Variants in BCAS3 observed in about 807,000 individuals in gnomAD.
The protein encoded by BCAS3 is BCAS3 microtubule associated cell migration factor, also known as BCAS4/BCAS3 fusion.
BCAS3 carries 53 observed loss-of-function variants against 116.1 expected under a neutral mutation model. That is an observed-to-expected ratio of 0.46 (90% confidence interval 0.37 to 0.57). The LOEUF (loss-of-function observed/expected upper bound fraction) is 0.57, where lower values mean the gene tolerates loss of function less well. Among genes scored for constraint, BCAS3 ranks in the 20% least tolerant of loss-of-function variants. The pLI, the probability that BCAS3 is intolerant of heterozygous loss-of-function variation, is 0.00. For synonymous variants in BCAS3, 391 were observed against 408.2 expected (o/e 0.96, Z 0.51); for missense variants, 917 against 1,165.4 (o/e 0.79, Z 3.10).
intron 22 of BCAS3, among the ~76,000 whole-genome samples, chr17:61,290,937 C>T (rs1401516327): frequency 6.6e-6 from 1 of 152,094 alleles, no homozygotes; most frequent in African/African-American, 2.4e-5. Context: ...CCTGCCACCA[C>T]GCCCGGCTAA....
In BCAS3 at chr17:60,963,093, T is replaced by C. The variant is rs1156792448; in HGVS notation, c.1221+15741T>C. 2.6e-5 allele frequency among the ~76,000 whole-genome samples: 4 copies of C among 152,232 alleles called. No individual in the cohort carries two copies. In the East Asian group the frequency reaches 7.7e-4, roughly 29 times the overall value. On this transcript the variant is annotated intron_variant, in intron 14 of 23. Transcript: ENST00000407086. Reference sequence around the variant, plus strand: ...GTTTCTCTAGTACGTTCCGTTGGTCTGTGTATCTATTTTTATGCCGGCACC... The same window carrying C: ...GTTTCTCTAGTACGTTCCGTTGGTCCGTGTATCTATTTTTATGCCGGCACC...
intron 22 of BCAS3, among the ~76,000 whole-genome samples, chr17:61,290,146 G>A (rs557178514): frequency 1.3e-3 from 196 of 152,258 alleles, no homozygotes; most frequent in Non-Finnish European, 2.2e-3. Flanking sequence ...TGTTCCTTTG[G>A]AGGCCGAAAC....
rs1236963244 is a variant in BCAS3, at chr17:61,084,054, A to G, written c.2328-413A>G. Among the ~76,000 whole-genome samples, 1 of 152,182 alleles carries G rather than the reference A, an allele frequency of 6.6e-6. No homozygotes were observed. Among genetic ancestry groups the G allele is most frequent in the Non-Finnish European group, 1.5e-5 (1 of 68,030 alleles). Reference sequence around the variant, plus strand: ...ATTACACATTGCTGCCTTTTATGGAACACATTAATAGCTATGGTGATATTA... The same window carrying G: ...ATTACACATTGCTGCCTTTTATGGAGCACATTAATAGCTATGGTGATATTA... On this transcript the variant is annotated intron_variant, in intron 21 of 23. Transcript: ENST00000407086. This position sits in a 1 kb window ranked among gnomAD's most constrained non-coding sequence, Gnocchi z 5.5.
intron 20 of BCAS3, 50 bp downstream of exon 20, chr17:61,075,070 TA>T: frequency 7.0e-7 from 1 of 1,437,914 alleles, no homozygotes; most frequent in Non-Finnish European, 9.7e-7. Context: ...AACAGAAATT[TA>T]CTGTTTTTAT....
At chr17:61,052,284 T>A (rs2068929724) in intron 19 of BCAS3, among the ~76,000 whole-genome samples, 1 of 152,168 alleles carries the variant, frequency 6.6e-6, no homozygotes, top group Non-Finnish European at 1.5e-5. Flanking sequence ...ATTCTGTATC[T>A]GTAAGTATAT....
At chr17:61,039,289 A>G (rs2067311338) in intron 18 of BCAS3, among the ~76,000 whole-genome samples, 1 of 152,094 alleles carries the variant, frequency 6.6e-6, no homozygotes, top group East Asian at 1.9e-4. Flanking sequence ...ACTCCTTTTT[A>G]TGGCTACATA....
chr17:60,856,270 A>G (rs2053664834), intron 7 of BCAS3, among the ~76,000 whole-genome samples: 1 of 152,192 alleles, frequency 6.6e-6, no homozygotes, highest in Admixed American at 6.5e-5. Context: ...GGAGTAAGAA[A>G]TTTTGTGGAG....
intron 7 of BCAS3, among the ~76,000 whole-genome samples, chr17:60,853,819 A>G (rs2053402638): frequency 6.6e-6 from 1 of 152,036 alleles, no homozygotes; most frequent in Non-Finnish European, 1.5e-5. Flanking sequence ...TTTTTCATCC[A>G]TGTTGTAGCA....
In BCAS3 at chr17:61,083,064, T is replaced by C. The variant is rs566298242; in HGVS notation, c.2328-1403T>C. Among the ~76,000 whole-genome samples the C allele has an allele frequency of 6.6e-6, 1 of 152,348 alleles. No homozygotes were observed. The highest frequency in any genetic ancestry group is 1.9e-4 in the East Asian group (1 of 5,180). ...CCAAATCATGCACTTCAAGATGCCC[T>C]GAATCTATCGTATTCAGTCACTAAT... On this transcript the variant is annotated intron_variant, in intron 21 of 23. Transcript: ENST00000407086. This position sits in a 1 kb window ranked among gnomAD's most constrained non-coding sequence, Gnocchi z 4.9.
intron 23 of BCAS3, among the ~76,000 whole-genome samples, chr17:61,386,268 C>T (rs73991903): frequency 0.044 from 6,759 of 152,266 alleles, 440 homozygotes; most frequent in African/African-American, 0.15. Flanking sequence ...ACGCCTCCAC[C>T]AACATGGGCA....
intron 22 of BCAS3, among the ~76,000 whole-genome samples, chr17:61,250,667 G>A (rs951832682): frequency 6.6e-6 from 1 of 152,218 alleles, no homozygotes; most frequent in African/African-American, 2.4e-5. Context: ...ATTCTTTTCA[G>A]TGATCTCTCC....
chr17:60,684,108 T>G, intron 3 of BCAS3, 72 bp downstream of exon 3: 4 of 1,416,296 alleles, frequency 2.8e-6, no homozygotes, highest in Non-Finnish European at 4.0e-6. Context: ...TTCCTAAACT[T>G]GACACTAGTA....
At chr17:60,873,647 G>T (rs895705462) in intron 8 of BCAS3, among the ~76,000 whole-genome samples, 1 of 152,060 alleles carries the variant, frequency 6.6e-6, no homozygotes, top group South Asian at 2.1e-4. Flanking sequence ...TAAATCTTGG[G>T]CATTGAGAAA....
intron 15 of BCAS3, among the ~76,000 whole-genome samples, chr17:60,991,284 A>C (rs972407628): frequency 1.4e-4 from 21 of 152,286 alleles, no homozygotes; most frequent in African/African-American, 4.3e-4. Flanking sequence ...AGGTAGGTTT[A>C]GTTCATTTAT....
chr17:60,977,383 G>A (rs2062473727), intron 14 of BCAS3, among the ~76,000 whole-genome samples: 1 of 151,992 alleles, frequency 6.6e-6, no homozygotes, highest in Non-Finnish European at 1.5e-5. Flanking sequence ...AGGTTTCACT[G>A]TGTTGTCCAG....
At chr17:61,255,217 C>G (rs774791247) in intron 22 of BCAS3, among the ~76,000 whole-genome samples, 5 of 152,220 alleles carry the variant, frequency 3.3e-5, no homozygotes, top group Non-Finnish European at 7.3e-5. Flanking sequence ...GTTAAGTTTT[C>G]TCTTCTCTGG....
rs189796716 is a variant in BCAS3, at chr17:61,235,676, T to C, written c.2426-132651T>C. 7.1e-6 allele frequency among the ~76,000 whole-genome samples: 1 copy of C among 140,110 alleles called. No individual in the cohort carries two copies. The highest frequency in any genetic ancestry group is 1.5e-5 in the Non-Finnish European group (1 of 65,924). 91.9% of individuals were successfully genotyped at this position (140,110 alleles called of 152,430 possible). On this transcript the variant is annotated intron_variant, in intron 22 of 23. Transcript: ENST00000407086. The surrounding 1 kb of genome is among the most constrained non-coding windows in gnomAD (Gnocchi z 5.0). ...TTCACCTTTAAACTTTGTTTGAACT[T>C]GGAAAGAAGACTTTTGAATTGTTTA...
At position 61,313,903 on chromosome 17, in the gene BCAS3, G is replaced by GC. The variant is rs2054529594; in HGVS notation, c.2426-54421dup. 6.6e-6 allele frequency among the ~76,000 whole-genome samples: 1 copy of GC among 152,150 alleles called. No homozygotes were observed. The highest frequency in any genetic ancestry group is 6.6e-5 in the Admixed American group (1 of 15,264). ...GCTGTCTCCTCCACCAGCCCCACTC[G>GC]CCCGGCCCCATACTTAGTGCTGGCT... On this transcript the variant is annotated intron_variant, in intron 22 of 23. Coordinates refer to ENST00000407086, the MANE Select transcript of BCAS3 (RefSeq NM_017679.5). This position sits in a 1 kb window ranked among gnomAD's most constrained non-coding sequence, Gnocchi z 4.3.
At chr17:60,702,043 C>A (rs1003127888) in intron 4 of BCAS3, among the ~76,000 whole-genome samples, 1 of 152,156 alleles carries the variant, frequency 6.6e-6, no homozygotes, top group Non-Finnish European at 1.5e-5. Flanking sequence ...TAGATACACA[C>A]ACACACACAA....
Sources: allele counts gnomAD v4.1 joint callset (sites outside exome capture counted in the v4.1 genomes callset), GRCh38; gene constraint gnomAD v4.1.1; non-coding constraint Gnocchi (gnomAD v3.1); transcripts MANE v1.5; gene names NCBI Gene and HGNC (gene_info 2026-07-23, HGNC 2026-07-21).